GABRB1: variants seen among roughly 807,000 people sequenced by gnomAD.
GABRB1 encodes the protein gamma-aminobutyric acid receptor subunit beta-1.
Under a neutral mutation model 51.6 loss-of-function variants are expected in GABRB1, and 17 were observed. The observed-to-expected ratio is 0.33, with a 90% confidence interval of 0.23 to 0.49. The LOEUF is 0.49. Among genes scored for constraint, GABRB1 ranks in the 20% least tolerant of loss-of-function variants. GABRB1 has a pLI of 0.99. For missense variants in GABRB1, 410 were observed against 600.6 expected, an observed-to-expected ratio of 0.68 and a Z score of 3.32; for synonymous variants, 247 against 218.9, an observed-to-expected ratio of 1.13 and a Z score of -1.14.
chr4:47,370,926 T>C (rs1171682080), intron 5 of GABRB1, among the ~76,000 whole-genome samples: 1 of 152,178 alleles, frequency 6.6e-6, no homozygotes, highest in Non-Finnish European at 1.5e-5. Context: ...CTTTATTTTT[T>C]TTTTCTTCAA....
intron 4 of GABRB1, among the ~76,000 whole-genome samples, chr4:47,222,266 G>A (rs1382005820): frequency 6.6e-6 from 1 of 152,068 alleles, no homozygotes; most frequent in Non-Finnish European, 1.5e-5. Context: ...TAGCAAGTAG[G>A]CAAATTAGTA....
intron 1 of GABRB1, among the ~76,000 whole-genome samples, chr4:47,014,780 T>C (rs983555063): frequency 6.6e-6 from 1 of 152,216 alleles, no homozygotes; most frequent in Non-Finnish European, 1.5e-5. Flanking sequence ...AAAATTGCCA[T>C]ATAATTGGTA....
intron 1 of GABRB1, among the ~76,000 whole-genome samples, chr4:47,014,700 G>A (rs959547396): frequency 1.3e-5 from 2 of 152,102 alleles, no homozygotes; most frequent in Non-Finnish European, 2.9e-5. Flanking sequence ...AAATAAATAT[G>A]ATATATTAAT....
intron 5 of GABRB1, among the ~76,000 whole-genome samples, chr4:47,323,203 C>T (rs754569798): frequency 2.2e-4 from 33 of 152,082 alleles, no homozygotes; most frequent in Non-Finnish European, 4.6e-4. Flanking sequence ...ATGCAGAAAA[C>T]CAGGCAGGCC....
chr4:47,392,361 A>C (rs1288245865), intron 5 of GABRB1, among the ~76,000 whole-genome samples: 1 of 124,076 alleles, frequency 8.1e-6, no homozygotes, highest in South Asian at 2.6e-4. Flanking sequence ...TTTTTTTGAG[A>C]TGGAGTCTCG....
intron 4 of GABRB1, among the ~76,000 whole-genome samples, chr4:47,170,391 AC>A: frequency 6.6e-6 from 1 of 151,500 alleles, no homozygotes; most frequent in Admixed American, 6.6e-5. Context: ...ACACACACAC[AC>A]ACACACACAC....
At chr4:47,171,946 CTATTTTATGTA>C (rs1718453438) in intron 4 of GABRB1, among the ~76,000 whole-genome samples, 1 of 152,054 alleles carries the variant, frequency 6.6e-6, no homozygotes, top group South Asian at 2.1e-4. Context: ...AATTCAACTT[CTATTTTATGTA>C]TATTTTATGT....
chr4:47,350,208 T>G (rs559150175), intron 5 of GABRB1, among the ~76,000 whole-genome samples: 3,684 of 91,118 alleles, frequency 0.04, 61 homozygotes, highest in South Asian at 0.048. Flanking sequence ...TATATATATA[T>G]ATATATATAT....
chr4:47,173,324 G>A (rs558182229), intron 4 of GABRB1, among the ~76,000 whole-genome samples: 4 of 152,180 alleles, frequency 2.6e-5, no homozygotes, highest in South Asian at 4.2e-4. Flanking sequence ...TGTTATCACC[G>A]TATATATGTT....
intron 5 of GABRB1, among the ~76,000 whole-genome samples, chr4:47,339,105 T>C (rs1725796647): frequency 1.3e-5 from 2 of 152,224 alleles, no homozygotes; most frequent in Admixed American, 6.5e-5. Context: ...AGCTCTAATG[T>C]ACCTTATTAT....
intron 1 of GABRB1, among the ~76,000 whole-genome samples, chr4:47,010,639 C>T (rs1340692098): frequency 6.6e-6 from 1 of 152,156 alleles, no homozygotes; most frequent in Admixed American, 6.5e-5. Context: ...CATGCCATCA[C>T]CATATATTCT....
chr4:47,063,274 C>T (rs554506707), intron 3 of GABRB1, among the ~76,000 whole-genome samples: 32 of 152,068 alleles, frequency 2.1e-4, no homozygotes, highest in African/African-American at 7.2e-4. Flanking sequence ...TTTGAGGAAC[C>T]TTTTTTAGGT....
At chr4:47,144,422 T>C (rs572793053) in intron 3 of GABRB1, among the ~76,000 whole-genome samples, 1 of 152,080 alleles carries the variant, frequency 6.6e-6, no homozygotes, top group South Asian at 2.1e-4. Flanking sequence ...TGTCATAACT[T>C]CAGAGGGGTC....
intron 3 of GABRB1, among the ~76,000 whole-genome samples, chr4:47,039,410 G>T (rs559465595): frequency 1.2e-4 from 17 of 147,652 alleles, no homozygotes; most frequent in Middle Eastern, 7.1e-3. Flanking sequence ...TTCTTGTAGA[G>T]CTTATAGTCT....
chr4:47,075,017 A>G (rs140989430), intron 3 of GABRB1, among the ~76,000 whole-genome samples: 106 of 152,276 alleles, frequency 7.0e-4, no homozygotes, highest in African/African-American at 2.5e-3. Flanking sequence ...GTTTCTTCCA[A>G]AATTAAAAAT....
At chr4:47,416,544 G>A (rs760404857) in intron 8 of GABRB1, among the ~76,000 whole-genome samples, 10 of 150,946 alleles carry the variant, frequency 6.6e-5, no homozygotes, top group Non-Finnish European at 8.8e-5. Context: ...TCTGCCTCCC[G>A]GGTTCAAACA....
At chr4:47,270,796 A>G (rs1578051759) in intron 4 of GABRB1, among the ~76,000 whole-genome samples, 1 of 152,224 alleles carries the variant, frequency 6.6e-6, no homozygotes, top group African/African-American at 2.4e-5. Context: ...TGTCCAAGGT[A>G]ACTACCTGAC....
rs185851759 is a variant in GABRB1 at position 47,370,916 on chromosome 4, C to G, written c.545-32402C>G. ...CTGTGTGAAGCAATTCAGGCTACCACTTTATTTTTTTTTTCTTCAACTTTT... is the reference window on the plus strand; with the variant it reads ...CTGTGTGAAGCAATTCAGGCTACCAGTTTATTTTTTTTTTCTTCAACTTTT... On this transcript the variant is annotated intron_variant, in intron 5 of 8. Transcript: ENST00000295454. Among the ~76,000 whole-genome samples the G allele has an allele frequency of 5.4e-3, 581 of 108,290 alleles. 7 individuals carry two copies. Among genetic ancestry groups the G allele is most frequent in the African/African-American group, 9.7e-3 (268 of 27,538 alleles). The allele number at this position is 108,290 out of a possible 152,430, so 71.0% of individuals were successfully genotyped here. A position where few individuals can be genotyped will look rare whatever the true frequency, so the allele number is the denominator to read the frequency against.
Position 47,031,906 on chromosome 4 carries a change from C to T in GABRB1, c.81-8C>T, listed in dbSNP as rs946771997. The T allele has an allele frequency of 2.5e-6, 4 of 1,612,416 alleles. No homozygotes were observed. In the Admixed American group the frequency reaches 6.7e-5, roughly 27 times the overall value. On this transcript the variant is annotated splice_region_variant and splice_polypyrimidine_tract_variant and intron_variant, in intron 1 of 8. Transcript: ENST00000295454. ...ATTTTGAATACGGTCCCTACTTCTT[C>T]CCCTTAGCACCAATGAACCCAGCAA...
Sources: allele counts gnomAD v4.1 joint callset (sites outside exome capture counted in the v4.1 genomes callset), GRCh38; gene constraint gnomAD v4.1.1; transcripts MANE v1.5; gene names NCBI Gene and HGNC (gene_info 2026-07-23, HGNC 2026-07-21).